The following AOX1 variants were observed in gnomAD, a reference collection of about 807,000 sequenced individuals.
AOX1 encodes the protein aldehyde oxidase.
AOX1 carries 153 observed loss-of-function variants against 169.5 expected under a neutral mutation model. That is an observed-to-expected ratio of 0.90 (90% CI 0.79 to 1.03). The LOEUF (loss-of-function observed/expected upper bound fraction) is 1.03. Ranked by LOEUF, AOX1 falls within the 50% of genes least tolerant of loss-of-function variation. The probability of loss-of-function intolerance (pLI) is 0.00; values close to 1 mark genes in which losing one functional copy is unlikely to be tolerated. For missense variants in AOX1, 1,656 were observed against 1,663.9 expected (o/e 1.00, Z 0.08); for synonymous variants, 562 against 581.9 (o/e 0.97, Z 0.49).
chr2:200,633,258 G>C (rs1463389314), intron 20 of AOX1, among the ~76,000 whole-genome samples: 1 of 152,074 alleles, frequency 6.6e-6, no homozygotes, highest in Non-Finnish European at 1.5e-5. Context: ...TGAATCTGTA[G>C]ATTAGTGTCG....
At chr2:200,609,781 C>T (rs536586320) in intron 12 of AOX1, among the ~76,000 whole-genome samples, 1 of 152,312 alleles carries the variant, frequency 6.6e-6, no homozygotes, top group South Asian at 2.1e-4. Flanking sequence ...TTGTGGCACC[C>T]ACATCGTGCT....
At chr2:200,659,435 AG>A (rs2035766916) in intron 28 of AOX1, 142 bp downstream of exon 28, 5 of 872,818 alleles carry the variant, frequency 5.7e-6, no homozygotes, top group Non-Finnish European at 8.7e-6. Context: ...TACAGCACCC[AG>A]TGGTTCTCCT....
chr2:200,604,126 A>G (rs1420190242), intron 8 of AOX1, 29 bp downstream of exon 8: 2 of 1,487,490 alleles, frequency 1.3e-6, no homozygotes, highest in African/African-American at 2.8e-5. Context: ...AGCTCATCCT[A>G]GAAGAATTCA....
At chr2:200,649,116 C>T (rs1027568484) in intron 25 of AOX1, among the ~76,000 whole-genome samples, 10 of 152,128 alleles carry the variant, frequency 6.6e-5, no homozygotes, top group Admixed American at 3.3e-4. Context: ...CTTCTTGCCC[C>T]ATTCAAATTG....
At chr2:200,591,434 G>A (rs1486239030) in intron 1 of AOX1, among the ~76,000 whole-genome samples, 6 of 152,198 alleles carry the variant, frequency 3.9e-5, no homozygotes, top group African/African-American at 7.2e-5. Flanking sequence ...CAAGAAGAGA[G>A]GAAGGATTTT....
At chr2:200,676,929 C>A in exon 5 of AOX1, 1 of 470,804 alleles carries the variant, frequency 2.1e-6, no homozygotes, top group Non-Finnish European at 4.4e-6. Flanking sequence ...GCTTTTGATA[C>A]AACTTCACAA....
At chr2:200,667,884 A>C (rs2035950471) in intron 32 of AOX1, among the ~76,000 whole-genome samples, 1 of 152,074 alleles carries the variant, frequency 6.6e-6, no homozygotes, top group Non-Finnish European at 1.5e-5. Context: ...AGGTGGGATG[A>C]GACAATGGGA....
At chr2:200,644,066 A>G (rs1281942310) in intron 25 of AOX1, among the ~76,000 whole-genome samples, 1 of 152,118 alleles carries the variant, frequency 6.6e-6, no homozygotes, top group Non-Finnish European at 1.5e-5. Flanking sequence ...TCTTTAGTTT[A>G]ATTAGCTCCC....
intron 20 of AOX1, among the ~76,000 whole-genome samples, chr2:200,627,658 C>T (rs2105731140): frequency 6.6e-6 from 1 of 152,172 alleles, no homozygotes; most frequent in Non-Finnish European, 1.5e-5. Context: ...GAGGCAAGAC[C>T]CTGCCCCTCT....
intron 3 of AOX1, among the ~76,000 whole-genome samples, chr2:200,595,667 G>A (rs960466743): frequency 4.7e-5 from 7 of 149,610 alleles, no homozygotes; most frequent in African/African-American, 1.7e-4. Flanking sequence ...AGTCCAGCCT[G>A]GGCAACACAG....
intron 1 of AOX1, among the ~76,000 whole-genome samples, chr2:200,591,203 A>G (rs974247301): frequency 3.3e-5 from 5 of 152,232 alleles, no homozygotes; most frequent in African/African-American, 4.8e-5. Context: ...GGCATAAAGA[A>G]GAACAGCAGA....
chr2:200,614,666 C>T (rs534525641), intron 15 of AOX1, among the ~76,000 whole-genome samples: 8 of 152,114 alleles, frequency 5.3e-5, no homozygotes, highest in Non-Finnish European at 1.2e-4. Flanking sequence ...ACCAGCTGAC[C>T]AAAACAGACT....
At chr2:200,597,151 A>G (rs2034299487) in intron 3 of AOX1, among the ~76,000 whole-genome samples, 1 of 152,190 alleles carries the variant, frequency 6.6e-6, no homozygotes, top group African/African-American at 2.4e-5. Context: ...TGGAATTAGA[A>G]TTAGGAGGCG....
rs1469780696 is a variant in AOX1, at chr2:200,662,981, T to C, written c.3543+12T>C. ...CGGGGGATCATAAGGTCAGTACCGG[T>C]TGGAAAGGTCTTCAAGTTGCACTTA... On this transcript the variant is annotated intron_variant, in intron 31 of 34. Transcript: ENST00000374700. 4 of 1,609,304 alleles carry C rather than the reference T, an allele frequency of 2.5e-6. No homozygotes were observed. Among genetic ancestry groups the C allele is most frequent in the East Asian group, 2.2e-5 (1 of 44,856 alleles).
intron 25 of AOX1, among the ~76,000 whole-genome samples, chr2:200,650,582 A>G (rs2348023): frequency 0.13 from 20,352 of 152,206 alleles, 1,697 homozygotes; most frequent in Non-Finnish European, 0.19. Context: ...TTTGGAGGTG[A>G]GTAGTCTTAT....
intron 2 of AOX1, among the ~76,000 whole-genome samples, chr2:200,593,888 G>A (rs1228591376): frequency 6.6e-6 from 1 of 152,052 alleles, no homozygotes; most frequent in Non-Finnish European, 1.5e-5. Context: ...AAAAAACAAT[G>A]AACATGACTC....
chr2:200,662,195 ATTGG>A (rs2035840500), intron 30 of AOX1, among the ~76,000 whole-genome samples: 1 of 152,230 alleles, frequency 6.6e-6, no homozygotes, highest in African/African-American at 2.4e-5. Flanking sequence ...TCACTTTGCC[ATTGG>A]TGCGGGACCT....
At position 200,659,231 on chromosome 2, in the gene AOX1, G is replaced by A. The variant is rs1232343050; in HGVS notation, c.3238G>A (p.Val1080Ile). ...CCTGCGTGGAACAAGCACAGAAACT[G>A]TCCCTAATGCAAATATCTCTGGAGG... ...VHLRGTSTET[V>I]PNANISGGSV... is the part of the protein sequence containing the mutation. The change falls in exon 28 of 35, where the codon GTC (valine) becomes ATC (isoleucine). Residue 1080 changes from valine to isoleucine, a missense_variant. Val to Ile is a conservative substitution (Grantham distance 29). Transcript: ENST00000374700. 6.2e-7 allele frequency: 1 copy of A among 1,613,994 alleles called. No individual in the cohort carries two copies.
intron 26 of AOX1, among the ~76,000 whole-genome samples, chr2:200,654,206 C>CAAAAAAAAA (rs60045401): frequency 2.4e-5 from 2 of 84,766 alleles, no homozygotes; most frequent in African/African-American, 8.8e-5. Flanking sequence ...GACCCTGTCT[C>CAAAAAAAAA]AAAAAAAAAA....
Sources: gnomAD v4.1 joint callset for allele counts (sites outside exome capture counted in the v4.1 genomes callset) on GRCh38, gnomAD v4.1.1 for gene constraint, MANE v1.5 for transcripts, NCBI Gene and HGNC (gene_info 2026-07-23, HGNC 2026-07-21) for gene names.